Variants in KLF12 observed in about 807,000 individuals in gnomAD.
KLF12 encodes Krueppel-like factor 12.
A neutral mutation model predicts 37.8 loss-of-function variants in KLF12; 9 were observed. That is an observed-to-expected ratio of 0.24 (90% CI 0.14 to 0.42). The LOEUF is 0.42. Ranked by LOEUF, KLF12 falls within the 10% of genes least tolerant of loss-of-function variation. KLF12 has a pLI of 1.00. For missense variants in KLF12, 411 were observed against 516.0 expected, an observed-to-expected ratio of 0.80 and a Z score of 1.97; for synonymous variants, 208 against 202.1, an observed-to-expected ratio of 1.03 and a Z score of -0.25.
intron 2 of KLF12, among the ~76,000 whole-genome samples, chr13:73,987,656 G>T (rs1792862748): frequency 1.4e-5 from 2 of 144,122 alleles, no homozygotes; most frequent in African/African-American, 5.1e-5. Context: ...GGGAGAGGAA[G>T]TGAGGGGAAG....
intron 1 of KLF12, among the ~76,000 whole-genome samples, chr13:74,080,126 C>T (rs558323293): frequency 1.8e-4 from 27 of 152,302 alleles, no homozygotes; most frequent in African/African-American, 6.5e-4. Flanking sequence ...CACAAAAAGT[C>T]AAATACTGAC....
chr13:73,778,048 C>A (rs1237801033), intron 5 of KLF12, among the ~76,000 whole-genome samples: 2 of 151,536 alleles, frequency 1.3e-5, no homozygotes, highest in African/African-American at 2.4e-5. Context: ...GCAGGAGAAT[C>A]GCTTGAACTC....
the KLF12 span, among the ~76,000 whole-genome samples, chr13:74,143,388 G>A: frequency 1.6e-4 from 3 of 18,546 alleles, no homozygotes; most frequent in African/African-American, 4.3e-4. Context: ...AGCAAATAAA[G>A]AAATGTTACT....
chr13:73,728,016 G>A (rs1876792805), intron 6 of KLF12, among the ~76,000 whole-genome samples: 2 of 152,156 alleles, frequency 1.3e-5, no homozygotes, highest in Non-Finnish European at 2.9e-5. Flanking sequence ...TTCTGTAAAA[G>A]AAAATGCAGC....
At chr13:74,275,799 TTTCTTTCC>T in the KLF12 span, among the ~76,000 whole-genome samples, 71 of 71,972 alleles carry the variant, frequency 9.9e-4, no homozygotes, top group African/African-American at 2.8e-3. Flanking sequence ...TCTTTCTTTC[TTTCTTTCC>T]TTCTTTCTTT....
chr13:74,071,922 GAGTGTT>G (rs1268601602), intron 1 of KLF12, among the ~76,000 whole-genome samples: 4 of 152,088 alleles, frequency 2.6e-5, no homozygotes, highest in Non-Finnish European at 5.9e-5. Flanking sequence ...ATTAACAGAA[GAGTGTT>G]AGTGTAATGT....
chr13:74,137,410 C>A (rs577582376), upstream of KLF12, among the ~76,000 whole-genome samples: 122 of 152,290 alleles, frequency 8.0e-4, 1 homozygote, highest in Non-Finnish European at 1.0e-3. Flanking sequence ...ATTTCCCTAA[C>A]TATATATAAA....
intron 3 of KLF12, among the ~76,000 whole-genome samples, chr13:73,855,184 G>A (rs531044293): frequency 4.6e-5 from 7 of 152,182 alleles, no homozygotes; most frequent in African/African-American, 1.4e-4. Context: ...TTTGCGTTAC[G>A]ATTCATCCCA....
the KLF12 span, among the ~76,000 whole-genome samples, chr13:74,213,043 A>G: frequency 6.6e-6 from 1 of 152,120 alleles, no homozygotes; most frequent in South Asian, 2.1e-4. Flanking sequence ...ATTTTCAAAA[A>G]TTCTGCAACA....
intron 3 of KLF12, among the ~76,000 whole-genome samples, chr13:73,899,707 C>G (rs1887952317): frequency 6.6e-6 from 1 of 152,138 alleles, no homozygotes; most frequent in Non-Finnish European, 1.5e-5. Context: ...TAAATTTGCT[C>G]TGTCTTCTGA....
chr13:74,247,136 G>A, the KLF12 span, among the ~76,000 whole-genome samples: 1 of 152,082 alleles, frequency 6.6e-6, no homozygotes, highest in Non-Finnish European at 1.5e-5. Flanking sequence ...GTGCAGAAAA[G>A]ACAAAGCAGA....
At chr13:74,195,507 T>G in the KLF12 span, among the ~76,000 whole-genome samples, 1 of 152,152 alleles carries the variant, frequency 6.6e-6, no homozygotes, top group South Asian at 2.1e-4. Context: ...GGAGGTAGGC[T>G]TCATGTCTGA....
chr13:73,978,879 T>C (rs1369545084), intron 2 of KLF12, among the ~76,000 whole-genome samples: 3 of 152,168 alleles, frequency 2.0e-5, no homozygotes, highest in Non-Finnish European at 4.4e-5. Context: ...GAAGGAAACT[T>C]ACATACATAT....
rs1004285907 is a variant in KLF12 at position 73,807,381 on chromosome 13, G to T, written c.806+5771C>A. Among the ~76,000 whole-genome samples the T allele has an allele frequency of 3.9e-5, 6 of 151,958 alleles. No individual in the cohort carries two copies. In the East Asian group the frequency reaches 1.2e-3, roughly 29 times the overall value. The stretch of plus-strand genomic sequence containing the variant: ...GAGGAAGCAATAGGGTATCTAACTT[G>T]CTACCATATCTGCTCTTTTAAAGAG... On this transcript the variant is annotated intron_variant, in intron 5 of 7. Transcript: ENST00000377669.
intron 1 of KLF12, among the ~76,000 whole-genome samples, chr13:74,068,467 G>T (rs2138687731): frequency 6.6e-6 from 1 of 152,216 alleles, no homozygotes; most frequent in African/African-American, 2.4e-5. Flanking sequence ...ACTCCATCTA[G>T]GGATTCATGC....
intron 6 of KLF12, among the ~76,000 whole-genome samples, chr13:73,748,736 T>C (rs1878539065): frequency 6.6e-6 from 1 of 152,164 alleles, no homozygotes; most frequent in South Asian, 2.1e-4. Context: ...TGTGGAGCTC[T>C]GGGAGATATA....
intron 5 of KLF12, among the ~76,000 whole-genome samples, chr13:73,779,025 C>A (rs1479576910): frequency 1.3e-5 from 2 of 152,098 alleles, no homozygotes; most frequent in African/African-American, 4.8e-5. Flanking sequence ...ATTTAAATGA[C>A]CATCTAATTT....
intron 1 of KLF12, among the ~76,000 whole-genome samples, chr13:74,104,739 T>C (rs1018120909): frequency 2.6e-5 from 4 of 152,192 alleles, no homozygotes; most frequent in African/African-American, 9.7e-5. Flanking sequence ...AAATTCATTA[T>C]ATTTATTTTA....
chr13:73,717,592 AAAC>A (rs1875913545), intron 6 of KLF12, among the ~76,000 whole-genome samples: 1 of 152,260 alleles, frequency 6.6e-6, no homozygotes, highest in South Asian at 2.1e-4. Flanking sequence ...GGTCAAATAT[AAAC>A]AACATTTATC....
Sources: gnomAD v4.1 joint callset for allele counts (sites outside exome capture counted in the v4.1 genomes callset) on GRCh38, gnomAD v4.1.1 for gene constraint, MANE v1.5 for transcripts, NCBI Gene and HGNC (gene_info 2026-07-23, HGNC 2026-07-21) for gene names.